Variants in TPR observed in about 807,000 individuals in gnomAD.
The protein encoded by TPR is translocated promoter region, nuclear basket protein.
Under a neutral mutation model 316.1 loss-of-function variants are expected in TPR, and 51 were observed. The ratio of observed to expected loss-of-function variants is 0.16; its 90% confidence interval spans 0.13 to 0.20. TPR has a LOEUF of 0.20. Ranked by LOEUF, TPR falls within the 10% of genes least tolerant of loss-of-function variation. TPR has a pLI of 1.00. For synonymous variants in TPR, 981 were observed against 914.7 expected (o/e 1.07, Z -1.31); for missense variants, 2,272 against 2,754.8 (o/e 0.82, Z 3.92).
At chr1:186,322,032 T>C (rs893039280) in intron 45 of TPR, among the ~76,000 whole-genome samples, 1 of 152,224 alleles carries the variant, frequency 6.6e-6, no homozygotes, top group Non-Finnish European at 1.5e-5. Context: ...TAGTAAACAG[T>C]AGAGTTAGGT....
intron 2 of TPR, among the ~76,000 whole-genome samples, chr1:186,372,962 G>A (rs2101995710): frequency 6.6e-6 from 1 of 152,176 alleles, no homozygotes; most frequent in East Asian, 1.9e-4. Context: ...ATAAAAACAA[G>A]CCACTCTCTA....
chr1:186,322,815 C>T, intron 43 of TPR: 1 of 497,672 alleles, frequency 2.0e-6, no homozygotes, highest in Non-Finnish European at 3.6e-6. Flanking sequence ...AACCAACAGA[C>T]CAATTATTAA....
intron 24 of TPR, among the ~76,000 whole-genome samples, chr1:186,344,945 G>A (rs1325564370): frequency 6.6e-6 from 1 of 152,008 alleles, no homozygotes; most frequent in African/African-American, 2.4e-5. Context: ...AGGCAATAAA[G>A]AATAGTAAGC....
chr1:186,317,636 T>A (rs765813214), intron 48 of TPR, 36 bp from the exon 49 acceptor site: 1 of 1,565,444 alleles, frequency 6.4e-7, no homozygotes, highest in Non-Finnish European at 8.8e-7. Context: ...ACAAAACTGA[T>A]CCTACAGTCA....
chr1:186,371,702 T>A (rs748580319), intron 2 of TPR, among the ~76,000 whole-genome samples: 9 of 152,204 alleles, frequency 5.9e-5, no homozygotes, highest in Non-Finnish European at 1.3e-4. Context: ...GGCAATTTAA[T>A]AAGCAAATAC....
In TPR at chr1:186,353,691, T is replaced by G. The variant is rs865972003; in HGVS notation, c.2331A>C (p.Ala777=). 1 of 1,613,442 alleles carries G rather than the reference T, an allele frequency of 6.2e-7. No individual in the cohort carries two copies. The highest frequency in any genetic ancestry group is 2.2e-5 in the East Asian group (1 of 44,860). The change falls in exon 18 of 51, where the codon GCA becomes GCC. Residue 777 remains alanine (A), a synonymous_variant. Transcript: ENST00000367478. ...LRGANEKLAV[A]EVRAENLKKE... ...GGACAAGGGATATTGGACTCACTTC[T>G]GCGACAGCTAGCTTCTCATTTGCTC...
chr1:186,314,344 T>C, intron 50 of TPR: 1 of 383,272 alleles, frequency 2.6e-6, no homozygotes, highest in Non-Finnish European at 4.6e-6. Context: ...ATACAACAAA[T>C]GAATATAACA....
At chr1:186,372,502 A>C (rs1020150149) in intron 2 of TPR, among the ~76,000 whole-genome samples, 3 of 152,134 alleles carry the variant, frequency 2.0e-5, no homozygotes, top group African/African-American at 7.2e-5. Flanking sequence ...AGATTGCACC[A>C]CTGCATTCCA....
intron 27 of TPR, chr1:186,342,802 C>T (rs1171158159): frequency 6.6e-6 from 1 of 152,170 alleles, no homozygotes; most frequent in Non-Finnish European, 1.5e-5. Context: ...GTCTTATTAT[C>T]ATCCATTTCA....
At chr1:186,339,896 G>C (rs887431754) in intron 29 of TPR, 124 bp from the exon 30 acceptor site, 1 of 733,104 alleles carries the variant, frequency 1.4e-6, no homozygotes, top group Admixed American at 4.0e-5. Context: ...AATCAAGCAT[G>C]GAACTACAAG....
chr1:186,363,026 C>T (rs755182671), intron 5 of TPR, 25 bp from the exon 6 acceptor site: 28 of 1,580,310 alleles, frequency 1.8e-5, no homozygotes, highest in Middle Eastern at 1.7e-4. Flanking sequence ...GAAAATAACA[C>T]GTACAGTTAA....
Position 186,312,562 on chromosome 1 carries a change from A to G in TPR, c.*1409T>C. ...AATACTTTCTTTTTCCTTGTGGGTAAGTAAAGCAGTTTGTTCAGGTTTGTT... is the reference window on the plus strand; with the variant it reads ...AATACTTTCTTTTTCCTTGTGGGTAGGTAAAGCAGTTTGTTCAGGTTTGTT... On this transcript the variant is annotated 3_prime_UTR_variant, in exon 51 of 51. Transcript: ENST00000367478. 1 of 802,688 alleles carries G rather than the reference A, an allele frequency of 1.2e-6. No homozygotes were observed. Among genetic ancestry groups the G allele is most frequent in the Non-Finnish European group, 1.9e-6 (1 of 518,568 alleles). The allele number at this position is 802,688 out of a possible 1,614,324, so 49.7% of individuals were successfully genotyped here.
intron 49 of TPR, 97 bp from the exon 50 acceptor site, chr1:186,314,821 T>C (rs1657546128): frequency 3.0e-6 from 2 of 662,992 alleles, no homozygotes; most frequent in South Asian, 4.5e-5. Flanking sequence ...ATGAATAAGA[T>C]GTAGACTTGT....
intron 45 of TPR, 110 bp downstream of exon 45, chr1:186,322,208 A>G (rs1657794813): frequency 1.9e-6 from 2 of 1,035,442 alleles, no homozygotes; most frequent in African/African-American, 1.6e-5. Flanking sequence ...ATTAGTACAT[A>G]GTAGAGAGGG....
Position 186,361,678 on chromosome 1 carries a change from T to C in TPR, c.902A>G (p.Asn301Ser), listed in dbSNP as rs148007015. ...TTCCTCTACTGCCCGGGTTAGTTCA[T>C]TGCTCTTTGCTTCTGAGTCATCAGC... ...SAADDSEAKSNELTRAVEELH... is the reference protein window; with the variant it reads ...SAADDSEAKSSELTRAVEELH... Residue 301 changes from asparagine (N) to serine (S), a missense_variant, in exon 9 of 51, where the codon AAT becomes AGT. Physicochemically the swap from Asn to Ser is conservative, Grantham distance 46. Transcript: ENST00000367478. The C allele has an allele frequency of 2.2e-4, 348 of 1,613,564 alleles. 1 individual carries two copies. In the East Asian group the frequency reaches 7.2e-3, roughly 34 times the overall value.
rs1658311977 is a variant in TPR at position 186,335,489 on chromosome 1, G to T, written c.4760C>A (p.Ala1587Asp). 6.2e-7 allele frequency: 1 copy of T among 1,613,008 alleles called. No homozygotes were observed. The highest frequency in any genetic ancestry group is 1.7e-5 in the Admixed American group (1 of 59,890). Reference sequence around the variant, plus strand: ...CAATTCATCTTTCTGCTGATCTAAGGCTCCATTCCTTTGTTTAAGCTCCTC... The same window carrying T: ...CAATTCATCTTTCTGCTGATCTAAGTCTCCATTCCTTTGTTTAAGCTCCTC... ...ENEELKQRNG[A>D]LDQQKDELDV... Residue 1587 changes from alanine to aspartate, a missense_variant, in exon 34 of 51, where the codon GCC becomes GAC. Coordinates refer to ENST00000367478, the MANE Select transcript of TPR (RefSeq NM_003292.3).
In TPR at chr1:186,337,943, A is replaced by G. The variant is rs1057063656; in HGVS notation, c.4362+90T>C. On this transcript the variant is annotated intron_variant, in intron 31 of 50. Coordinates refer to ENST00000367478, the MANE Select transcript of TPR (RefSeq NM_003292.3). ...ATATGCTTACACGATTTCGGTATCTAAAAGCTAGTAATATTCAAAATTACA... is the reference window on the plus strand; with the variant it reads ...ATATGCTTACACGATTTCGGTATCTGAAAGCTAGTAATATTCAAAATTACA... 18 of 1,081,454 alleles carry G rather than the reference A, an allele frequency of 1.7e-5. No homozygotes were observed. The East Asian group carries it at 3.9e-4, about 23-fold the overall frequency. 67.0% of individuals were successfully genotyped at this position (1,081,454 alleles called of 1,614,324 possible). A position where few individuals can be genotyped will look rare whatever the true frequency, so the allele number is the denominator to read the frequency against.
At chr1:186,336,028 C>A (rs76942680) in intron 33 of TPR, among the ~76,000 whole-genome samples, 2 of 152,016 alleles carry the variant, frequency 1.3e-5, no homozygotes, top group East Asian at 3.9e-4. Flanking sequence ...ATAGGCAAGG[C>A]TGAATAAAGC....
At chr1:186,347,173 T>A in intron 22 of TPR, 119 bp downstream of exon 22, 1 of 1,079,364 alleles carries the variant, frequency 9.3e-7, no homozygotes, top group Non-Finnish European at 1.3e-6. Context: ...TTCACAAGGT[T>A]AAAGGCAATG....
Sources: allele counts gnomAD v4.1 joint callset (sites outside exome capture counted in the v4.1 genomes callset), GRCh38; gene constraint gnomAD v4.1.1; transcripts MANE v1.5; gene names NCBI Gene and HGNC (gene_info 2026-07-23, HGNC 2026-07-21).